TRPC4AP: variants seen among roughly 807,000 people sequenced by gnomAD.
TRPC4AP encodes transient receptor potential cation channel subfamily C member 4 associated protein.
Under a neutral mutation model 99.0 loss-of-function variants are expected in TRPC4AP, and 45 were observed. The observed-to-expected ratio is 0.45, with a 90% confidence interval of 0.36 to 0.58. TRPC4AP has a LOEUF of 0.58. Among genes scored for constraint, TRPC4AP ranks in the 20% least tolerant of loss-of-function variants. The probability of loss-of-function intolerance (pLI) is 0.00; values close to 1 mark genes in which losing one functional copy is unlikely to be tolerated. For synonymous variants in TRPC4AP, 408 were observed against 385.8 expected (o/e 1.06, Z -0.67); for missense variants, 879 against 985.3 (o/e 0.89, Z 1.44).
intron 2 of TRPC4AP, among the ~76,000 whole-genome samples, chr20:35,071,845 T>C (rs888699525): frequency 6.6e-6 from 1 of 152,222 alleles, no homozygotes; most frequent in African/African-American, 2.4e-5. Context: ...TTCTAGATCC[T>C]TGAGGAATCG....
chr20:35,052,546 A>C (rs2083730754), intron 5 of TRPC4AP, among the ~76,000 whole-genome samples: 3 of 152,044 alleles, frequency 2.0e-5, no homozygotes, highest in Non-Finnish European at 4.4e-5. Context: ...CCCACGCTGG[A>C]GTGCAGTGGT....
intron 7 of TRPC4AP, 40 bp from the exon 8 acceptor site, chr20:35,035,348 A>G (rs1461429279): frequency 2.5e-6 from 4 of 1,595,540 alleles, no homozygotes; most frequent in African/African-American, 2.7e-5. Flanking sequence ...TTCAAAATAG[A>G]GACCAGCAAA....
At chr20:35,067,011 TACAAC>T (rs375001391) in intron 3 of TRPC4AP, among the ~76,000 whole-genome samples, 3 of 152,272 alleles carry the variant, frequency 2.0e-5, no homozygotes, top group African/African-American at 7.2e-5. Context: ...AAAGAACTCT[TACAAC>T]ACAATATTCA....
At chr20:35,074,782 A>G (rs1181809902) in intron 2 of TRPC4AP, among the ~76,000 whole-genome samples, 4 of 152,194 alleles carry the variant, frequency 2.6e-5, no homozygotes, top group African/African-American at 9.7e-5. Context: ...GATGTCTATT[A>G]GGTCCGCTTG....
chr20:35,018,601 A>G (rs2082806976), intron 9 of TRPC4AP, among the ~76,000 whole-genome samples: 1 of 129,896 alleles, frequency 7.7e-6, no homozygotes, highest in Non-Finnish European at 1.6e-5. Flanking sequence ...TGTCTCAAAA[A>G]AAGAAAAAAA....
In TRPC4AP at chr20:35,018,604, G is replaced by GAAAAAAAAA. The variant is rs11479211; in HGVS notation, c.1219-2474_1219-2466dup. On this transcript the variant is annotated intron_variant, in intron 9 of 18. Coordinates refer to ENST00000252015, the MANE Select transcript of TRPC4AP (RefSeq NM_015638.3). ...GCAGAGCAAGACTGTCTCAAAAAAA[G>GAAAAAAAAA]AAAAAAAAAAAAAAAAAAAAAAGAA... Among the ~76,000 whole-genome samples, 41 of 88,928 alleles carry GAAAAAAAAA rather than the reference G, an allele frequency of 4.6e-4. 1 individual carries two copies. The highest frequency in any genetic ancestry group is 1.2e-3 in the South Asian group (3 of 2,476). The allele number at this position is 88,928 out of a possible 152,430, so 58.3% of individuals were successfully genotyped here.
intron 3 of TRPC4AP, among the ~76,000 whole-genome samples, chr20:35,062,018 AAC>A (rs1168668116): frequency 6.6e-6 from 1 of 152,240 alleles, no homozygotes; most frequent in Non-Finnish European, 1.5e-5. Context: ...AAAGCAGATG[AAC>A]AGACATTTCT....
chr20:35,006,365 G>A, intron 15 of TRPC4AP, 70 bp downstream of exon 15: 2 of 1,575,018 alleles, frequency 1.3e-6, no homozygotes, highest in South Asian at 1.2e-5. Context: ...CCTAAAGCCT[G>A]GCAGACCAGG....
At chr20:35,003,799 G>A (rs1424535950) in intron 17 of TRPC4AP, among the ~76,000 whole-genome samples, 183 bp from the exon 18 acceptor site, 1 of 152,146 alleles carries the variant, frequency 6.6e-6, no homozygotes, top group Admixed American at 6.5e-5. Context: ...CCAGTTTCCT[G>A]ACTGAGCACC....
intron 5 of TRPC4AP, among the ~76,000 whole-genome samples, chr20:35,050,511 T>C (rs1179971004): frequency 2.6e-5 from 4 of 151,012 alleles, no homozygotes; most frequent in Admixed American, 2.6e-4. Flanking sequence ...GGCCAGGAGT[T>C]CGAGACCAGC....
At chr20:35,086,475 G>GTGTGTGTATA (rs1249022184) in intron 1 of TRPC4AP, among the ~76,000 whole-genome samples, 1 of 116,444 alleles carries the variant, frequency 8.6e-6, no homozygotes, top group South Asian at 2.9e-4. Flanking sequence ...GTGTGTGTGT[G>GTGTGTGTATA]TATGTGTGTG....
chr20:35,061,239 T>C (rs1569133690), intron 3 of TRPC4AP, among the ~76,000 whole-genome samples: 1 of 152,152 alleles, frequency 6.6e-6, no homozygotes, highest in South Asian at 2.1e-4. Flanking sequence ...ACAATTCCAT[T>C]TAAAGGAGCA....
At position 35,002,977 on chromosome 20, in the gene TRPC4AP, G is replaced by C. The variant is rs2082425020; in HGVS notation, c.*169C>G. The C allele has an allele frequency of 1.1e-6, 1 of 892,484 alleles. No individual in the cohort carries two copies. The highest frequency in any genetic ancestry group is 1.7e-5 in the South Asian group (1 of 59,616). The allele number at this position is 892,484 out of a possible 1,614,324, so 55.3% of individuals were successfully genotyped here. On this transcript the variant is annotated 3_prime_UTR_variant, in exon 19 of 19. Transcript: ENST00000252015. ...GGCTCTCCATGACCTAGGGCCCTCAGACCCAGGGGGACCAAGGGCTTCTAG... is the reference window on the plus strand; with the variant it reads ...GGCTCTCCATGACCTAGGGCCCTCACACCCAGGGGGACCAAGGGCTTCTAG...
At position 35,003,269 on chromosome 20, in the gene TRPC4AP, G is replaced by T; in HGVS notation, c.2271C>A (p.Ser757Arg). 1 of 1,614,176 alleles carries T rather than the reference G, an allele frequency of 6.2e-7. No individual in the cohort carries two copies. The highest frequency in any genetic ancestry group is 8.5e-7 in the Non-Finnish European group (1 of 1,180,016). ...STCLENSSCI[S>R]FSYWKETVSI... ...ACACTGTCTCCTTCCAGTATGAGAA[G>T]CTGATGCAGGAGCTCTGGGCAAAGA... is the stretch of plus-strand genomic sequence containing the variant. Residue 757 changes from serine to arginine, a missense_variant, in exon 19 of 19, where the codon AGC becomes AGA. By Grantham distance (110) the Ser-to-Arg change is moderately radical. Transcript: ENST00000252015.
At chr20:35,025,790 C>A (rs969731341) in intron 8 of TRPC4AP, among the ~76,000 whole-genome samples, 4 of 152,056 alleles carry the variant, frequency 2.6e-5, no homozygotes, top group Non-Finnish European at 4.4e-5. Context: ...TGATGAAGTC[C>A]AATTTATTAT....
chr20:35,006,311 A>G, intron 15 of TRPC4AP, 124 bp downstream of exon 15: 2 of 1,173,488 alleles, frequency 1.7e-6, no homozygotes, highest in East Asian at 2.4e-5. Flanking sequence ...ATGTTTGCCA[A>G]AGACTGCCCA....
intron 10 of TRPC4AP, among the ~76,000 whole-genome samples, chr20:35,014,815 G>A (rs1474567228): frequency 2.0e-5 from 3 of 152,168 alleles, no homozygotes; most frequent in South Asian, 2.1e-4. Context: ...GCAGGGTGCC[G>A]ACTAGCCGGG....
intron 8 of TRPC4AP, among the ~76,000 whole-genome samples, chr20:35,024,826 A>C (rs73616614): frequency 0.088 from 2,850 of 32,454 alleles, 140 homozygotes; most frequent in East Asian, 0.13. Flanking sequence ...AGACCGTCTC[A>C]AAAAAAAAAA....
intron 3 of TRPC4AP, among the ~76,000 whole-genome samples, chr20:35,059,921 A>G (rs77236645): frequency 8.9e-6 from 1 of 112,416 alleles, no homozygotes; most frequent in African/African-American, 2.9e-5. Context: ...CGAAGAAGAC[A>G]AAGACGAAGA....
Sources: allele counts gnomAD v4.1 joint callset (sites outside exome capture counted in the v4.1 genomes callset), GRCh38; gene constraint gnomAD v4.1.1; transcripts MANE v1.5; gene names NCBI Gene and HGNC (gene_info 2026-07-23, HGNC 2026-07-21).